The following FHIT variants were observed in gnomAD, a reference collection of about 807,000 sequenced individuals.
The protein encoded by FHIT is fragile histidine triad diadenosine triphosphatase.
FHIT carries 19 observed loss-of-function variants against 17.9 expected under a neutral mutation model. The ratio of observed to expected loss-of-function variants is 1.06; its 90% CI spans 0.74 to 1.56. The LOEUF (loss-of-function observed/expected upper bound fraction) is 1.56. Among genes scored for constraint, FHIT ranks in the 40% most tolerant of loss-of-function variants. The pLI, the probability that FHIT is intolerant of heterozygous loss-of-function variation, is 0.00. For missense variants in FHIT, 248 were observed against 189.2 expected (o/e 1.31, Z -1.82); for synonymous variants, 81 against 69.7 (o/e 1.16, Z -0.81).
chr3:59,903,368 T>C (rs1470368305), intron 8 of FHIT, among the ~76,000 whole-genome samples: 1 of 152,200 alleles, frequency 6.6e-6, no homozygotes, highest in Non-Finnish European at 1.5e-5. Flanking sequence ...TAGTGACAGT[T>C]ACACAACTCT....
intron 8 of FHIT, among the ~76,000 whole-genome samples, chr3:59,890,233 T>C (rs770367124): frequency 1.3e-5 from 2 of 152,094 alleles, no homozygotes; most frequent in African/African-American, 4.8e-5. Flanking sequence ...AAGCAGATTA[T>C]TGCCCTGTGG....
intron 8 of FHIT, among the ~76,000 whole-genome samples, chr3:59,827,508 C>T (rs1281670055): frequency 6.6e-6 from 1 of 152,136 alleles, no homozygotes; most frequent in Non-Finnish European, 1.5e-5. Flanking sequence ...GGAATGTATA[C>T]TAATATTCAG....
intron 5 of FHIT, among the ~76,000 whole-genome samples, chr3:60,115,227 T>A (rs1294966367): frequency 6.6e-6 from 1 of 152,034 alleles, no homozygotes; most frequent in South Asian, 2.1e-4. Context: ...ATCAATAAAA[T>A]GAAGTGAAAG....
chr3:59,780,171 T>C (rs1283285873), intron 8 of FHIT, among the ~76,000 whole-genome samples: 2 of 152,316 alleles, frequency 1.3e-5, no homozygotes, highest in Middle Eastern at 3.4e-3. Flanking sequence ...ATAGACACTC[T>C]TATCTCCTCA....
chr3:60,978,560 C>G (rs1026445575), intron 3 of FHIT, among the ~76,000 whole-genome samples: 4 of 152,178 alleles, frequency 2.6e-5, no homozygotes, highest in African/African-American at 9.7e-5. Flanking sequence ...ATCAAACAAA[C>G]TTGGGTTGGA....
At chr3:60,828,107 G>A (rs1288095379) in intron 3 of FHIT, among the ~76,000 whole-genome samples, 3 of 152,120 alleles carry the variant, frequency 2.0e-5, no homozygotes, top group African/African-American at 7.2e-5. Flanking sequence ...TTCCTATTTG[G>A]TAAAATAAGG....
chr3:60,130,251 C>G (rs1203334465), intron 5 of FHIT, among the ~76,000 whole-genome samples: 1 of 152,176 alleles, frequency 6.6e-6, no homozygotes, highest in Admixed American at 6.6e-5. Flanking sequence ...ATCTCTAAAA[C>G]TGGAGGGTAA....
intron 4 of FHIT, among the ~76,000 whole-genome samples, chr3:60,707,393 C>T (rs1480070459): frequency 6.6e-6 from 1 of 152,214 alleles, no homozygotes; most frequent in Non-Finnish European, 1.5e-5. Context: ...GGGGTTTACA[C>T]ATGGATAGAG....
chr3:60,817,141 A>G (rs1701768143), intron 4 of FHIT, among the ~76,000 whole-genome samples: 1 of 152,042 alleles, frequency 6.6e-6, no homozygotes, highest in Admixed American at 6.6e-5. Flanking sequence ...GCAACTGTAT[A>G]AATCCATTTG....
chr3:60,569,027 G>C (rs1474359423), intron 4 of FHIT, among the ~76,000 whole-genome samples: 1 of 149,056 alleles, frequency 6.7e-6, no homozygotes, highest in Non-Finnish European at 1.5e-5. Context: ...TGTCTTCTAA[G>C]GCTGATGAAA....
intron 7 of FHIT, among the ~76,000 whole-genome samples, chr3:59,958,967 G>C (rs2107336888): frequency 6.6e-6 from 1 of 152,324 alleles, no homozygotes; most frequent in South Asian, 2.1e-4. Context: ...AGCTGTACCA[G>C]GGTGCTGACT....
rs142359967 is a variant in FHIT, at chr3:60,564,688, G to C, written c.-17-27709C>G. Among the ~76,000 whole-genome samples the C allele has an allele frequency of 1.3e-3, 191 of 152,278 alleles. 1 individual carries two copies. The highest frequency in any genetic ancestry group is 2.3e-3 in the Non-Finnish European group (157 of 68,012). On this transcript the variant is annotated intron_variant, in intron 4 of 9. Coordinates refer to ENST00000492590, the MANE Select transcript of FHIT (RefSeq NM_002012.4). ...AATTAGAAGTAAAGCCTGAAGACGT[G>C]ACTGTATTGCTGTAATCTCATGATC...
At chr3:60,805,075 G>T (rs1032475167) in intron 4 of FHIT, among the ~76,000 whole-genome samples, 3 of 152,204 alleles carry the variant, frequency 2.0e-5, no homozygotes, top group Non-Finnish European at 2.9e-5. Context: ...GCATAAATGA[G>T]TAGCTTTATA....
chr3:60,797,141 G>C lies in FHIT; in HGVS notation c.-18+24778C>G, dbSNP rs1701010858. Reference sequence around the variant, plus strand: ...AGTGAAGTGATTAGAAAACACATCAGGGCTTCTGTGGCTCAGGATTTGGTG... The same window carrying C: ...AGTGAAGTGATTAGAAAACACATCACGGCTTCTGTGGCTCAGGATTTGGTG... On this transcript the variant is annotated intron_variant, in intron 4 of 9. Transcript: ENST00000492590. Among the ~76,000 whole-genome samples the C allele has an allele frequency of 7.9e-5, 12 of 152,258 alleles. No homozygotes were observed. In the South Asian group the frequency reaches 2.5e-3, roughly 32 times the overall value.
At chr3:59,977,148 T>C (rs765439711) in intron 7 of FHIT, among the ~76,000 whole-genome samples, 1 of 152,138 alleles carries the variant, frequency 6.6e-6, no homozygotes, top group Non-Finnish European at 1.5e-5. Context: ...GAATGCATTT[T>C]CTACTCTCTC....
At chr3:60,731,270 C>A (rs1188221555) in intron 4 of FHIT, among the ~76,000 whole-genome samples, 2 of 152,150 alleles carry the variant, frequency 1.3e-5, no homozygotes, top group South Asian at 4.1e-4. Flanking sequence ...TCAGTTCTTA[C>A]CTCTTCAGAA....
At chr3:60,336,757 A>G (rs1166571925) in intron 5 of FHIT, among the ~76,000 whole-genome samples, 1 of 152,220 alleles carries the variant, frequency 6.6e-6, no homozygotes, top group African/African-American at 2.4e-5. Flanking sequence ...GCATTGAATT[A>G]GATAATAACA....
chr3:60,393,810 A>G (rs987277343), intron 5 of FHIT, among the ~76,000 whole-genome samples: 5 of 152,150 alleles, frequency 3.3e-5, no homozygotes, highest in African/African-American at 9.6e-5. Context: ...GCATGGTACT[A>G]AATAATAATG....
chr3:60,491,670 T>C lies in FHIT; in HGVS notation c.103+45190A>G, dbSNP rs1383123852. Among the ~76,000 whole-genome samples the C allele has an allele frequency of 3.9e-5, 6 of 152,216 alleles. No homozygotes were observed. In the East Asian group the frequency reaches 1.2e-3, roughly 29 times the overall value. ...ATGAACATCTACAGCTGGAGTGCTTTCGTTCTGTATGATATTTTAATCATT... is the reference window on the plus strand; with the variant it reads ...ATGAACATCTACAGCTGGAGTGCTTCCGTTCTGTATGATATTTTAATCATT... On this transcript the variant is annotated intron_variant, in intron 5 of 9. Coordinates refer to ENST00000492590, the MANE Select transcript of FHIT (RefSeq NM_002012.4).
Sources: gnomAD v4.1 joint callset for allele counts (sites outside exome capture counted in the v4.1 genomes callset) on GRCh38, gnomAD v4.1.1 for gene constraint, MANE v1.5 for transcripts, NCBI Gene and HGNC (gene_info 2026-07-23, HGNC 2026-07-21) for gene names.